TBC1D22A: variants seen among roughly 807,000 people sequenced by gnomAD.
TBC1D22A encodes putative GTPase activator.
In TBC1D22A, 38 loss-of-function variants were observed where a neutral mutation model predicts 60.2. The ratio of observed to expected loss-of-function variants is 0.63; its 90% CI spans 0.49 to 0.83. The LOEUF is 0.83. Ranked by LOEUF, TBC1D22A falls within the 40% of genes least tolerant of loss-of-function variation. The pLI is 0.00. For synonymous variants in TBC1D22A, 302 were observed against 281.7 expected, an observed-to-expected ratio of 1.07 and a Z score of -0.72; for missense variants, 628 against 701.0, an observed-to-expected ratio of 0.90 and a Z score of 1.18.
intron 10 of TBC1D22A, among the ~76,000 whole-genome samples, chr22:47,004,920 A>G (rs969587024): frequency 6.6e-6 from 1 of 151,830 alleles, no homozygotes; most frequent in Non-Finnish European, 1.5e-5. Flanking sequence ...CCATATACAC[A>G]TACACCTACA....
In TBC1D22A at chr22:46,902,379, T is replaced by A. The variant is rs763024606; in HGVS notation, c.900+7533T>A. The stretch of plus-strand genomic sequence containing the variant: ...AGTTTAAAGTTTGTACTACTTTTAA[T>A]GAATTCCCACTCTCTAACAAAGACG... On this transcript the variant is annotated intron_variant, in intron 7 of 12. Coordinates refer to ENST00000337137, the MANE Select transcript of TBC1D22A (RefSeq NM_014346.5). Among the ~76,000 whole-genome samples the A allele has an allele frequency of 3.7e-4, 57 of 152,250 alleles. 1 individual carries two copies. The highest frequency in any genetic ancestry group is 1.3e-4 in the Non-Finnish European group (9 of 68,040).
At chr22:46,902,664 C>T (rs1415619783) in intron 7 of TBC1D22A, among the ~76,000 whole-genome samples, 1 of 152,280 alleles carries the variant, frequency 6.6e-6, no homozygotes, top group African/African-American at 2.4e-5. Context: ...TTCGCCTCCA[C>T]TCAGAGTCCC....
intron 10 of TBC1D22A, among the ~76,000 whole-genome samples, chr22:47,029,575 A>T (rs908810845): frequency 6.6e-6 from 1 of 152,308 alleles, no homozygotes; most frequent in South Asian, 2.1e-4. Flanking sequence ...TGTCCAGCCC[A>T]GACTCGGCTG....
intron 10 of TBC1D22A, among the ~76,000 whole-genome samples, chr22:47,005,808 C>T (rs1336134830): frequency 6.6e-6 from 1 of 151,394 alleles, no homozygotes; most frequent in East Asian, 1.9e-4. Flanking sequence ...TATACACACT[C>T]TCCATATACA....
intron 7 of TBC1D22A, among the ~76,000 whole-genome samples, chr22:46,899,651 T>G (rs1410698898): frequency 6.6e-6 from 1 of 152,194 alleles, no homozygotes; most frequent in South Asian, 2.1e-4. Flanking sequence ...TATGCTTGGC[T>G]TTGACCTCAT....
chr22:46,950,814 A>C (rs1329230771), intron 8 of TBC1D22A, among the ~76,000 whole-genome samples: 1 of 152,156 alleles, frequency 6.6e-6, no homozygotes, highest in Non-Finnish European at 1.5e-5. Context: ...ATAACCGGGG[A>C]CAATACAAAA....
intron 12 of TBC1D22A, among the ~76,000 whole-genome samples, chr22:47,119,697 A>G (rs1251774881): frequency 1.3e-5 from 2 of 152,068 alleles, no homozygotes; most frequent in East Asian, 1.9e-4. Flanking sequence ...GGGTTTCACT[A>G]TGTTGGCCAG....
intron 3 of TBC1D22A, among the ~76,000 whole-genome samples, chr22:46,796,019 G>T (rs4491829): frequency 0.54 from 82,633 of 152,030 alleles, 23,222 homozygotes; most frequent in Middle Eastern, 0.71. Flanking sequence ...CAGTAAGGCC[G>T]GCAGCGGAAA....
At chr22:47,133,541 G>T (rs1601620407) in intron 12 of TBC1D22A, among the ~76,000 whole-genome samples, 1 of 152,210 alleles carries the variant, frequency 6.6e-6, no homozygotes, top group African/African-American at 2.4e-5. Context: ...GATTCCAGCT[G>T]TGCAGCAGAG....
chr22:46,864,029 G>A (rs1326076311), intron 4 of TBC1D22A, among the ~76,000 whole-genome samples: 3 of 152,198 alleles, frequency 2.0e-5, no homozygotes, highest in African/African-American at 2.4e-5. Flanking sequence ...TAGGGGTTCA[G>A]CACAGCACAT....
At chr22:47,026,102 A>C (rs535923038) in intron 10 of TBC1D22A, among the ~76,000 whole-genome samples, 1 of 152,364 alleles carries the variant, frequency 6.6e-6, no homozygotes, top group East Asian at 1.9e-4. Context: ...CTTATTATTA[A>C]CATATTTAAA....
intron 8 of TBC1D22A, among the ~76,000 whole-genome samples, chr22:46,942,026 T>TATTA (rs1555960666): frequency 0.01 from 1,438 of 137,382 alleles, 26 homozygotes; most frequent in African/African-American, 0.033. Context: ...TATATATATA[T>TATTA]TATATATATA....
intron 10 of TBC1D22A, among the ~76,000 whole-genome samples, chr22:47,035,784 G>T (rs1395366764): frequency 1.3e-5 from 2 of 152,152 alleles, no homozygotes; most frequent in Non-Finnish European, 1.5e-5. Flanking sequence ...CTTAGGTGAG[G>T]GCAGCTCCCG....
At chr22:46,862,457 T>C (rs2087948617) in intron 4 of TBC1D22A, among the ~76,000 whole-genome samples, 1 of 152,202 alleles carries the variant, frequency 6.6e-6, no homozygotes, top group South Asian at 2.1e-4. Flanking sequence ...CTCTTGCTTC[T>C]GTTCTCAGGG....
intron 8 of TBC1D22A, among the ~76,000 whole-genome samples, chr22:46,940,838 A>ATATG (rs1410934007): frequency 1.2e-5 from 1 of 83,754 alleles, no homozygotes; most frequent in African/African-American, 4.7e-5. Context: ...ATATATATAT[A>ATATG]TATGTATGTA....
chr22:47,105,019 T>C (rs1404882416), intron 11 of TBC1D22A, among the ~76,000 whole-genome samples: 1 of 152,128 alleles, frequency 6.6e-6, no homozygotes, highest in Non-Finnish European at 1.5e-5. Context: ...AAAATCAAGC[T>C]GCACCCTGAC....
At chr22:47,168,223 C>G (rs2068279809) in intron 12 of TBC1D22A, among the ~76,000 whole-genome samples, 1 of 144,762 alleles carries the variant, frequency 6.9e-6, no homozygotes, top group African/African-American at 2.6e-5. Flanking sequence ...GAACTCACTG[C>G]CCAGCAAAGT....
intron 4 of TBC1D22A, among the ~76,000 whole-genome samples, chr22:46,817,992 A>G (rs182024553): frequency 6.6e-6 from 1 of 152,252 alleles, no homozygotes; most frequent in African/African-American, 2.4e-5. Flanking sequence ...TTTGATTTGC[A>G]TTTATCTGAT....
At chr22:46,975,627 G>A (rs1473955995) in intron 9 of TBC1D22A, among the ~76,000 whole-genome samples, 1 of 152,144 alleles carries the variant, frequency 6.6e-6, no homozygotes, top group Non-Finnish European at 1.5e-5. Context: ...AGCAGGGCTT[G>A]GCTTTTCCTG....
Sources: gnomAD v4.1 joint callset for allele counts (sites outside exome capture counted in the v4.1 genomes callset) on GRCh38, gnomAD v4.1.1 for gene constraint, MANE v1.5 for transcripts, NCBI Gene and HGNC (gene_info 2026-07-23, HGNC 2026-07-21) for gene names.